FA2H: variants seen among roughly 807,000 people sequenced by gnomAD.
FA2H encodes fatty acid 2-hydroxylase.
Under a neutral mutation model 44.9 loss-of-function variants are expected in FA2H, and 22 were observed. The observed-to-expected ratio is 0.49, with a 90% CI of 0.35 to 0.70. FA2H has a LOEUF of 0.70. Among genes scored for constraint, FA2H ranks in the 30% least tolerant of loss-of-function variants. The pLI is 0.01. For synonymous variants in FA2H, 243 were observed against 213.2 expected, an observed-to-expected ratio of 1.14 and a Z score of -1.22; for missense variants, 501 against 504.9, an observed-to-expected ratio of 0.99 and a Z score of 0.07.
At chr16:74,742,963 T>G (rs1346509087) in intron 1 of FA2H, among the ~76,000 whole-genome samples, 1 of 152,202 alleles carries the variant, frequency 6.6e-6, no homozygotes, top group Non-Finnish European at 1.5e-5. Context: ...AGGAAGGCAG[T>G]TGGCAACTTT....
rs1597570853 is a variant in FA2H at position 74,762,926 on chromosome 16, C to G, written c.270+11560G>C. On this transcript the variant is annotated intron_variant, in intron 1 of 6. Coordinates refer to ENST00000219368, the MANE Select transcript of FA2H (RefSeq NM_024306.5). ...CTGAATTTTTTATGGCACCTTGTCTCCAACCAGCAGAAGTCATTATGGTTG... is the reference window on the plus strand; with the variant it reads ...CTGAATTTTTTATGGCACCTTGTCTGCAACCAGCAGAAGTCATTATGGTTG... Among the ~76,000 whole-genome samples, 3 of 152,286 alleles carry G rather than the reference C, an allele frequency of 2.0e-5. No homozygotes were observed. The South Asian group carries it at 6.2e-4, about 32-fold the overall frequency.
At chr16:74,773,628 A>C (rs1329517335) in intron 1 of FA2H, among the ~76,000 whole-genome samples, 1 of 152,228 alleles carries the variant, frequency 6.6e-6, no homozygotes, top group African/African-American at 2.4e-5. Flanking sequence ...TTTTGGAGTC[A>C]GATACATGTG....
chr16:74,721,598 TG>T, intron 4 of FA2H, among the ~76,000 whole-genome samples: 1 of 152,302 alleles, frequency 6.6e-6, no homozygotes, highest in South Asian at 2.1e-4. Context: ...CACACAGCTG[TG>T]GGTCTGGCAC....
chr16:74,744,845 G>C (rs1962385846), intron 1 of FA2H, among the ~76,000 whole-genome samples: 1 of 152,152 alleles, frequency 6.6e-6, no homozygotes, highest in Admixed American at 6.5e-5. Flanking sequence ...CTTAGTCTCC[G>C]AGAGTTCTGG....
chr16:74,765,167 T>C (rs1962786315), intron 1 of FA2H, among the ~76,000 whole-genome samples: 1 of 151,874 alleles, frequency 6.6e-6, no homozygotes. Flanking sequence ...ATCTTTTTTT[T>C]TTTTTTGATA....
At chr16:74,723,873 T>C (rs1388971484) in intron 4 of FA2H, among the ~76,000 whole-genome samples, 9 of 152,004 alleles carry the variant, frequency 5.9e-5, no homozygotes, top group Non-Finnish European at 1.0e-4. Flanking sequence ...ATGATGAGTA[T>C]ATACATTGTA....
chr16:74,767,364 G>A (rs775303235), intron 1 of FA2H, among the ~76,000 whole-genome samples: 1 of 152,136 alleles, frequency 6.6e-6, no homozygotes, highest in Non-Finnish European at 1.5e-5. Flanking sequence ...GAAATGAGAA[G>A]TGAGAGAAAC....
Position 74,724,404 on chromosome 16 carries a change from C to T in FA2H, c.613+1821G>A, listed in dbSNP as rs62051071. Among the ~76,000 whole-genome samples, 620 of 152,248 alleles carry T rather than the reference C, an allele frequency of 4.1e-3. 2 individuals are homozygous for T. The highest frequency in any genetic ancestry group is 7.6e-3 in the Non-Finnish European group (515 of 68,022). On this transcript the variant is annotated intron_variant, in intron 4 of 6. Transcript: ENST00000219368. ...GTATGCAGCGCCGCCCCCTTTCCCC[C>T]GTCTCCTCAGCTTTTGAAAGCATTT...
intron 1 of FA2H, among the ~76,000 whole-genome samples, chr16:74,752,410 C>T (rs1388360010): frequency 1.3e-5 from 2 of 152,150 alleles, no homozygotes; most frequent in African/African-American, 4.8e-5. Flanking sequence ...TCCACTTCAG[C>T]CCCCACCAGA....
At chr16:74,724,399 T>TC (rs768979243) in intron 4 of FA2H, among the ~76,000 whole-genome samples, 3 of 152,080 alleles carry the variant, frequency 2.0e-5, no homozygotes, top group Admixed American at 6.5e-5. Flanking sequence ...CCGCCCCCTT[T>TC]CCCCCGTCTC....
At chr16:74,724,759 C>T (rs1489495974) in intron 4 of FA2H, among the ~76,000 whole-genome samples, 1 of 152,148 alleles carries the variant, frequency 6.6e-6, no homozygotes, top group Non-Finnish European at 1.5e-5. Context: ...TCTGCCAAGG[C>T]CGTGTGGCTG....
At chr16:74,734,970 G>T (rs1459114132) in intron 2 of FA2H, among the ~76,000 whole-genome samples, 1 of 152,260 alleles carries the variant, frequency 6.6e-6, no homozygotes, top group Non-Finnish European at 1.5e-5. Context: ...AGCCGGGGCT[G>T]CGGGAGAGGA....
At chr16:74,724,166 T>C (rs1041441472) in intron 4 of FA2H, among the ~76,000 whole-genome samples, 5 of 152,152 alleles carry the variant, frequency 3.3e-5, no homozygotes, top group African/African-American at 4.8e-5. Context: ...CCTCCCAAAG[T>C]GCTGGGATTA....
intron 1 of FA2H, among the ~76,000 whole-genome samples, chr16:74,748,762 G>A (rs1962474854): frequency 6.6e-6 from 1 of 152,156 alleles, no homozygotes; most frequent in African/African-American, 2.4e-5. Context: ...GAGGCAGTGT[G>A]CGGCGGGCGG....
intron 2 of FA2H, among the ~76,000 whole-genome samples, chr16:74,733,657 C>T (rs187936488): frequency 3.1e-4 from 47 of 152,294 alleles, no homozygotes; most frequent in African/African-American, 1.1e-3. Flanking sequence ...TGGCAGTTGG[C>T]GGGACCGGGT....
intron 4 of FA2H, among the ~76,000 whole-genome samples, chr16:74,720,020 T>G (rs902170736): frequency 1.3e-5 from 2 of 151,956 alleles, no homozygotes; most frequent in Non-Finnish European, 2.9e-5. Context: ...AGGAGAAGAC[T>G]GGAGACAGGG....
intron 2 of FA2H, among the ~76,000 whole-genome samples, chr16:74,736,683 C>G (rs1331786858): frequency 6.6e-6 from 1 of 152,182 alleles, no homozygotes; most frequent in Admixed American, 6.5e-5. Context: ...GTTATGCCAG[C>G]ATCTGGCTTA....
chr16:74,759,724 G>A (rs1051139772), intron 1 of FA2H, among the ~76,000 whole-genome samples: 1 of 152,238 alleles, frequency 6.6e-6, no homozygotes, highest in Non-Finnish European at 1.5e-5. Context: ...GCGAGGTGCT[G>A]GCCTGAGGCT....
At chr16:74,758,774 A>G (rs911499464) in intron 1 of FA2H, among the ~76,000 whole-genome samples, 8 of 152,202 alleles carry the variant, frequency 5.3e-5, no homozygotes, top group Admixed American at 2.0e-4. Context: ...AAAATATTAA[A>G]AAATAATTTA....
Sources: allele counts gnomAD v4.1 joint callset (sites outside exome capture counted in the v4.1 genomes callset), GRCh38; gene constraint gnomAD v4.1.1; transcripts MANE v1.5; gene names NCBI Gene and HGNC (gene_info 2026-07-23, HGNC 2026-07-21).